PLOD2: variants seen among roughly 807,000 people sequenced by gnomAD.
PLOD2 encodes procollagen-lysine,2-oxoglutarate 5-dioxygenase 2.
In PLOD2, 65 loss-of-function variants were observed where a neutral mutation model predicts 101.0. The ratio of observed to expected loss-of-function variants is 0.64; its 90% CI spans 0.53 to 0.79. The LOEUF is 0.79. PLOD2 is among the 30% of genes least tolerant of loss of function. The pLI is 0.00. For synonymous variants in PLOD2, 314 were observed against 302.9 expected, an observed-to-expected ratio of 1.04 and a Z score of -0.38; for missense variants, 909 against 914.6, an observed-to-expected ratio of 0.99 and a Z score of 0.08.
chr3:146,154,546 A>AT (rs1383385035), intron 1 of PLOD2, among the ~76,000 whole-genome samples: 11 of 152,232 alleles, frequency 7.2e-5, no homozygotes, highest in Admixed American at 1.3e-4. Flanking sequence ...CTATTTATAG[A>AT]TTTTTTCCTG....
intron 1 of PLOD2, among the ~76,000 whole-genome samples, chr3:146,134,044 G>T (rs2031083435): frequency 6.6e-6 from 1 of 151,852 alleles, no homozygotes; most frequent in African/African-American, 2.4e-5. Context: ...AATAGTTGAG[G>T]GATTGAGAAT....
chr3:146,098,179 C>A lies in PLOD2; in HGVS notation c.777+4576G>T, dbSNP rs556600790. Among the ~76,000 whole-genome samples the A allele has an allele frequency of 4.6e-5, 7 of 152,230 alleles. No homozygotes were observed. The East Asian group carries it at 1.4e-3, about 29-fold the overall frequency. On this transcript the variant is annotated intron_variant, in intron 7 of 19. Coordinates refer to ENST00000282903, the MANE Select transcript of PLOD2 (RefSeq NM_182943.3). ...CACATGCATACCTATGTACAACAAA[C>A]CTGCACGTTCAGCACATGTATCCAA...
rs1245396937 is a variant in PLOD2 at position 146,097,016 on chromosome 3, C to T, written c.778-5115G>A. Among the ~76,000 whole-genome samples, 14 of 146,042 alleles carry T rather than the reference C, an allele frequency of 9.6e-5. 1 individual carries two copies. Among genetic ancestry groups the T allele is most frequent in the Non-Finnish European group, 1.8e-4 (12 of 65,690 alleles). On this transcript the variant is annotated intron_variant, in intron 7 of 19. Coordinates refer to ENST00000282903, the MANE Select transcript of PLOD2 (RefSeq NM_182943.3). Reference sequence around the variant, plus strand: ...GAGGGAGGTGGGGGGGTCAGCCCCCCGCCCGGCCAGCCGCCCCGTCCGGGA... The same window carrying T: ...GAGGGAGGTGGGGGGGTCAGCCCCCTGCCCGGCCAGCCGCCCCGTCCGGGA...
chr3:146,092,819 T>A (rs1341052984), intron 7 of PLOD2, among the ~76,000 whole-genome samples: 1 of 152,124 alleles, frequency 6.6e-6, no homozygotes. Context: ...AAGATCCTGC[T>A]GAGTAAACAG....
intron 1 of PLOD2, among the ~76,000 whole-genome samples, chr3:146,148,193 G>A (rs1371173286): frequency 6.6e-6 from 1 of 152,026 alleles, no homozygotes. Flanking sequence ...AGGCAAAGGT[G>A]AATTTGGATA....
chr3:146,103,165 C>G (rs915220778), intron 6 of PLOD2, among the ~76,000 whole-genome samples: 8 of 152,142 alleles, frequency 5.3e-5, no homozygotes, highest in African/African-American at 1.7e-4. Context: ...TTTGCCCCTT[C>G]ATAGTATTGT....
rs766573715 is a variant in PLOD2, at chr3:146,081,878, A to T, written c.1233-15T>A. On this transcript the variant is annotated splice_polypyrimidine_tract_variant and intron_variant, in intron 11 of 19. Transcript: ENST00000282903. ...CAATGATCTTTCTAAAGACAGAGAGAGTGTGTGTGAGAGAGAGAAACCTAT... is the reference window on the plus strand; with the variant it reads ...CAATGATCTTTCTAAAGACAGAGAGTGTGTGTGTGAGAGAGAGAAACCTAT... 13 of 1,607,746 alleles carry T rather than the reference A, an allele frequency of 8.1e-6. No homozygotes were observed. In the East Asian group the frequency reaches 1.3e-4, roughly 17 times the overall value.
chr3:146,078,092 T>C (rs1473266407), intron 13 of PLOD2, among the ~76,000 whole-genome samples, 168 bp from the exon 14 acceptor site: 1 of 151,814 alleles, frequency 6.6e-6, no homozygotes, highest in Non-Finnish European at 1.5e-5. Flanking sequence ...CAAAGAAACA[T>C]CTCCAGCTCT....
At chr3:146,107,083 C>T (rs181431228) in intron 4 of PLOD2, among the ~76,000 whole-genome samples, 1 of 152,184 alleles carries the variant, frequency 6.6e-6, no homozygotes, top group African/African-American at 2.4e-5. Context: ...AGTGGTTTTA[C>T]TGTCAGTGCC....
chr3:146,105,478 G>T (rs1013149599), intron 5 of PLOD2, among the ~76,000 whole-genome samples: 2 of 152,092 alleles, frequency 1.3e-5, no homozygotes, highest in Non-Finnish European at 1.5e-5. Context: ...AGGGCTTTTG[G>T]CTTCAATGTT....
At chr3:146,081,979 T>C in intron 11 of PLOD2, 116 bp from the exon 12 acceptor site, 3 of 782,526 alleles carry the variant, frequency 3.8e-6, no homozygotes, top group Non-Finnish European at 5.9e-6. Context: ...AGAAAGCTCA[T>C]TCAACAAACC....
chr3:146,135,390 C>T (rs538708985), intron 1 of PLOD2, among the ~76,000 whole-genome samples: 25 of 151,916 alleles, frequency 1.6e-4, no homozygotes, highest in African/African-American at 5.8e-4. Flanking sequence ...TATGGAATTA[C>T]CACAAGACTC....
At chr3:146,125,416 G>C (rs1302655667) in intron 1 of PLOD2, among the ~76,000 whole-genome samples, 1 of 151,982 alleles carries the variant, frequency 6.6e-6, no homozygotes, top group African/African-American at 2.4e-5. Context: ...TTTCCATGAA[G>C]ATAAACATCA....
chr3:146,154,413 T>C (rs1311603534), intron 1 of PLOD2, among the ~76,000 whole-genome samples: 1 of 151,606 alleles, frequency 6.6e-6, no homozygotes, highest in Admixed American at 6.6e-5. Context: ...TCCCCATCAC[T>C]CATGAACTTG....
chr3:146,147,434 C>T (rs759890993), intron 1 of PLOD2, among the ~76,000 whole-genome samples: 8 of 152,050 alleles, frequency 5.3e-5, no homozygotes, highest in Admixed American at 1.3e-4. Context: ...ACACTAGAAG[C>T]GGGGCAGTGA....
intron 1 of PLOD2, among the ~76,000 whole-genome samples, chr3:146,137,244 T>C (rs542285991): frequency 1.3e-5 from 2 of 152,264 alleles, no homozygotes; most frequent in South Asian, 4.1e-4. Context: ...ATAATTGGCT[T>C]TATAGCACCA....
chr3:146,135,617 AT>A (rs2031186331), intron 1 of PLOD2, among the ~76,000 whole-genome samples: 1 of 152,148 alleles, frequency 6.6e-6, no homozygotes, highest in Admixed American at 6.6e-5. Flanking sequence ...GAAAGTGATA[AT>A]CTTTACCAGA....
intron 3 of PLOD2, among the ~76,000 whole-genome samples, chr3:146,118,267 C>A (rs1304965360): frequency 6.6e-6 from 1 of 151,986 alleles, no homozygotes; most frequent in African/African-American, 2.4e-5. Flanking sequence ...CTAACACTTG[C>A]CTTACCATAC....
At chr3:146,155,519 T>G (rs1317561871) in intron 1 of PLOD2, among the ~76,000 whole-genome samples, 1 of 151,002 alleles carries the variant, frequency 6.6e-6, no homozygotes, top group Admixed American at 6.6e-5. Flanking sequence ...AAGACCAGCC[T>G]AGCCAAGATG....
Sources: gnomAD v4.1 joint callset for allele counts (sites outside exome capture counted in the v4.1 genomes callset) on GRCh38, gnomAD v4.1.1 for gene constraint, MANE v1.5 for transcripts, NCBI Gene and HGNC (gene_info 2026-07-23, HGNC 2026-07-21) for gene names.